The following PCDHGB1 variants were observed in gnomAD, a reference collection of about 807,000 sequenced individuals.
PCDHGB1 encodes protocadherin gamma-B1.
In PCDHGB1, 34 loss-of-function variants were observed where a neutral mutation model predicts 56.6. That is an observed-to-expected ratio of 0.60 (90% CI 0.46 to 0.80). The LOEUF (loss-of-function observed/expected upper bound fraction) is 0.80. PCDHGB1 is among the 30% of genes least tolerant of loss of function. The pLI is 0.00. For synonymous variants in PCDHGB1, 561 were observed against 505.9 expected, an observed-to-expected ratio of 1.11 and a Z score of -1.46; for missense variants, 1,278 against 1,204.6, an observed-to-expected ratio of 1.06 and a Z score of -0.90.
intron 1 of PCDHGB1, chr5:141,374,609 A>T (rs1189289267): frequency 1.9e-6 from 3 of 1,613,652 alleles, no homozygotes; most frequent in Non-Finnish European, 2.5e-6. Context: ...CAGTGGTAAT[A>T]GTCACTTCTC....
intron 1 of PCDHGB1, among the ~76,000 whole-genome samples, chr5:141,442,967 G>T (rs553833025): frequency 1.3e-5 from 2 of 152,220 alleles, no homozygotes; most frequent in African/African-American, 2.4e-5. Context: ...AGACATTCTG[G>T]CTGATAAAGT....
At chr5:141,444,002 C>T (rs2098413409) in intron 1 of PCDHGB1, among the ~76,000 whole-genome samples, 1 of 151,918 alleles carries the variant, frequency 6.6e-6, no homozygotes, top group African/African-American at 2.4e-5. Flanking sequence ...TAAATGCTAC[C>T]TGGGTATTGG....
At position 141,350,695 on chromosome 5, in the gene PCDHGB1, C is replaced by T; in HGVS notation, c.435C>T (p.Pro145=). 1 of 1,613,934 alleles carries T rather than the reference C, an allele frequency of 6.2e-7. No homozygotes were observed. The highest frequency in any genetic ancestry group is 1.1e-5 in the South Asian group (1 of 91,090). Residue 145 remains proline, a synonymous_variant, in exon 1 of 4, where the codon CCC becomes CCT. Transcript: ENST00000523390. ...IDLEICESAL[P]GVKFSLDSAQ... ...TAGAAATTTGTGAGTCAGCCTTACCCGGGGTAAAATTCTCTCTGGATTCTG... is the reference window on the plus strand; with the variant it reads ...TAGAAATTTGTGAGTCAGCCTTACCTGGGGTAAAATTCTCTCTGGATTCTG...
chr5:141,353,688 G>A (rs6870557), intron 1 of PCDHGB1, among the ~76,000 whole-genome samples: 1,925 of 152,162 alleles, frequency 0.013, 50 homozygotes, highest in African/African-American at 0.044. Context: ...TTTATAAAGC[G>A]TTTTCCATAC....
intron 1 of PCDHGB1, chr5:141,384,549 G>T (rs1561602881): frequency 6.2e-7 from 1 of 1,614,244 alleles, no homozygotes; most frequent in East Asian, 2.2e-5. Flanking sequence ...CACTGAGCCT[G>T]TTCGTGCTGG....
rs765318875 is a variant in PCDHGB1 at position 141,489,896 on chromosome 5, C to A, written c.2410-4911C>A. On this transcript the variant is annotated intron_variant, in intron 1 of 3. Coordinates refer to ENST00000523390, the MANE Select transcript of PCDHGB1 (RefSeq NM_018922.3). This position sits in a 1 kb window ranked among gnomAD's most constrained non-coding sequence, Gnocchi z 4.5. ...GTGCTTACTGCTGTGGATGGGGGGA[C>A]CCCAGCCCGCTCAGGGACCACCCTT... 5 of 1,614,062 alleles carry A rather than the reference C, an allele frequency of 3.1e-6. No homozygotes were observed.
At chr5:141,420,056 T>C (rs1241770239) in intron 1 of PCDHGB1, 1 of 1,614,044 alleles carries the variant, frequency 6.2e-7, no homozygotes, top group Admixed American at 1.7e-5. Flanking sequence ...AGTTCTCTGC[T>C]CCAAGTCCGG....
rs561908431 is a variant in PCDHGB1, at chr5:141,510,639, TATC to T, written c.2558-304_2558-302del. Among the ~76,000 whole-genome samples the T allele has an allele frequency of 8.5e-3, 1,289 of 152,298 alleles. 6 individuals carry two copies. Among genetic ancestry groups the T allele is most frequent in the Middle Eastern group, 0.058 (17 of 294 alleles). On this transcript the variant is annotated intron_variant, in intron 3 of 3. Transcript: ENST00000523390. ...TAAAACCAGAAGAGGTGGTTACCAT[TATC>T]ATCCCCATTTTGCAGATGAGAAAAC...
chr5:141,399,525 C>T (rs1170362164), intron 1 of PCDHGB1: 1 of 1,614,058 alleles, frequency 6.2e-7, no homozygotes, highest in East Asian at 2.2e-5. Flanking sequence ...CTGGGGCCTC[C>T]ATCGCGCAAG....
intron 1 of PCDHGB1, chr5:141,419,399 G>T (rs893535249): frequency 6.2e-7 from 1 of 1,613,470 alleles, no homozygotes. Context: ...GAGCGGGGTG[G>T]TGTTCGCGCA....
chr5:141,450,565 C>A (rs1024229182), intron 1 of PCDHGB1, among the ~76,000 whole-genome samples: 4 of 152,016 alleles, frequency 2.6e-5, no homozygotes, highest in African/African-American at 9.7e-5. Flanking sequence ...CGGCTCACTG[C>A]AACTTCTGCC....
intron 1 of PCDHGB1, chr5:141,361,519 G>A (rs1265098241): frequency 6.2e-7 from 1 of 1,614,024 alleles, no homozygotes; most frequent in East Asian, 2.2e-5. Flanking sequence ...GGTTCACGTG[G>A]CAGAGAACAA....
rs1363008017 is a variant in PCDHGB1, at chr5:141,413,215, T to A, written c.2409+60546T>A. ...GAATCGCTCAAAGGAATCAAAGGATTGCAGCGGGCTGGTCCTGCTCTGCCT... is the reference window on the plus strand; with the variant it reads ...GAATCGCTCAAAGGAATCAAAGGATAGCAGCGGGCTGGTCCTGCTCTGCCT... On this transcript the variant is annotated intron_variant, in intron 1 of 3. Coordinates refer to ENST00000523390, the MANE Select transcript of PCDHGB1 (RefSeq NM_018922.3). 6 of 1,613,232 alleles carry A rather than the reference T, an allele frequency of 3.7e-6. No individual in the cohort carries two copies. The African/African-American group carries it at 8.0e-5, about 22-fold the overall frequency.
intron 1 of PCDHGB1, chr5:141,388,888 T>C: frequency 6.2e-7 from 1 of 1,613,774 alleles, no homozygotes; most frequent in Non-Finnish European, 8.5e-7. Flanking sequence ...GAGGTAGAAG[T>C]CATAGATGAA....
rs1562059777 is a variant in PCDHGB1, at chr5:141,477,098, G to C, written c.2410-17709G>C. 6.2e-7 allele frequency: 1 copy of C among 1,614,242 alleles called. No individual in the cohort carries two copies. Among genetic ancestry groups the C allele is most frequent in the Non-Finnish European group, 8.5e-7 (1 of 1,180,046 alleles). ...GATTTACATCCAGGCCAAAGACAAG[G>C]GCGCCAATCCCGAAGGAGCACATTG... On this transcript the variant is annotated intron_variant, in intron 1 of 3. Transcript: ENST00000523390. This position sits in a 1 kb window ranked among gnomAD's most constrained non-coding sequence, Gnocchi z 4.9.
rs202220616 is a variant in PCDHGB1, at chr5:141,389,200, A to G, written c.2409+36531A>G. On this transcript the variant is annotated intron_variant, in intron 1 of 3. Coordinates refer to ENST00000523390, the MANE Select transcript of PCDHGB1 (RefSeq NM_018922.3). ...TCCTCCAGTTCCAGCATCACCCTGC[A>G]CATTGGTGATGTAAATGACAACGCT... is the stretch of plus-strand genomic sequence containing the variant. 1,731 of 1,614,032 alleles carry G rather than the reference A, an allele frequency of 1.1e-3. 2 individuals carry two copies. Among genetic ancestry groups the G allele is most frequent in the Non-Finnish European group, 1.4e-3 (1,628 of 1,179,874 alleles).
At chr5:141,359,668 C>T (rs979057333) in intron 1 of PCDHGB1, among the ~76,000 whole-genome samples, 3 of 151,898 alleles carry the variant, frequency 2.0e-5, no homozygotes, top group Non-Finnish European at 4.4e-5. Context: ...TATAAAAATC[C>T]GTTGCCCTAT....
chr5:141,432,482 G>T lies in PCDHGB1; in HGVS notation c.2410-62325G>T, dbSNP rs768206517. 2.5e-6 allele frequency: 4 copies of T among 1,614,060 alleles called. No individual in the cohort carries two copies. Among genetic ancestry groups the T allele is most frequent in the Non-Finnish European group, 3.4e-6 (4 of 1,180,052 alleles). ...CCTCCCCACGGACGGTTCCACTGGC[G>T]TGGAGCTGGCTCCCCGCTCCGCAGA... On this transcript the variant is annotated intron_variant, in intron 1 of 3. Transcript: ENST00000523390. The surrounding 1 kb of genome is among the most constrained non-coding windows in gnomAD (Gnocchi z 6.0).
intron 1 of PCDHGB1, among the ~76,000 whole-genome samples, chr5:141,467,332 C>T (rs985838492): frequency 6.6e-6 from 1 of 152,124 alleles, no homozygotes; most frequent in Non-Finnish European, 1.5e-5. Context: ...GGATTAGAGA[C>T]GTAAGCCACT....
Sources: gnomAD v4.1 joint callset for allele counts (sites outside exome capture counted in the v4.1 genomes callset) on GRCh38, gnomAD v4.1.1 for gene constraint, Gnocchi (gnomAD v3.1) non-coding constraint, MANE v1.5 for transcripts, NCBI Gene and HGNC (gene_info 2026-07-23, HGNC 2026-07-21) for gene names.